The following MGAT4C variants were observed in gnomAD, a reference collection of about 807,000 sequenced individuals.
MGAT4C encodes the protein alpha-1,3-mannosyl-glycoprotein 4-beta-N-acetylglucosaminyltransferase C.
In MGAT4C, 19 loss-of-function variants were observed where a neutral mutation model predicts 40.1. That is an observed-to-expected ratio of 0.47 (90% confidence interval 0.33 to 0.70). The LOEUF (loss-of-function observed/expected upper bound fraction) is 0.70, where lower values mean the gene tolerates loss of function less well. Ranked by LOEUF, MGAT4C falls within the 30% of genes least tolerant of loss-of-function variation. The pLI, the probability that MGAT4C is intolerant of heterozygous loss-of-function variation, is 0.02. For missense variants in MGAT4C, 491 were observed against 563.2 expected (o/e 0.87, Z 1.30); for synonymous variants, 181 against 187.1 (o/e 0.97, Z 0.27).
rs1192847515 is a variant in MGAT4C, at chr12:85,979,286, T to C, written c.*3A>G. On this transcript the variant is annotated 3_prime_UTR_variant, in exon 5 of 5. Coordinates refer to ENST00000611864, the MANE Select transcript of MGAT4C (RefSeq NM_001351288.2). ...CAGAAACTGAACATACTGATTTAAT[T>C]GGCTAAGAAGTCCAAATGCTAATAC... 6.4e-7 allele frequency: 1 copy of C among 1,574,176 alleles called. No individual in the cohort carries two copies. The highest frequency in any genetic ancestry group is 8.6e-7 in the Non-Finnish European group (1 of 1,159,946).
chr12:86,492,491 G>A (rs11103971), intron 2 of MGAT4C, among the ~76,000 whole-genome samples: 12,793 of 152,006 alleles, frequency 0.084, 647 homozygotes, highest in Non-Finnish European at 0.11. Context: ...AAATAACACC[G>A]CGTATCTACA....
chr12:86,568,123 G>T (rs1436537038), intron 2 of MGAT4C, among the ~76,000 whole-genome samples: 2 of 152,084 alleles, frequency 1.3e-5, no homozygotes, highest in African/African-American at 4.8e-5. Flanking sequence ...ACAAAGCATT[G>T]TTCCTGGGTT....
chr12:86,736,368 T>C (rs1381359701), intron 1 of MGAT4C, among the ~76,000 whole-genome samples: 1 of 151,866 alleles, frequency 6.6e-6, no homozygotes, highest in African/African-American at 2.4e-5. Flanking sequence ...TTACCACTTT[T>C]CTTTATGTCT....
intron 1 of MGAT4C, among the ~76,000 whole-genome samples, chr12:86,061,229 C>A (rs909256881): frequency 2.0e-5 from 3 of 152,278 alleles, no homozygotes; most frequent in African/African-American, 7.2e-5. Flanking sequence ...CAGGGTGGGG[C>A]ATCCCCTCAA....
chr12:86,508,559 T>C (rs1264702419), intron 2 of MGAT4C, among the ~76,000 whole-genome samples: 1 of 152,120 alleles, frequency 6.6e-6, no homozygotes, highest in Non-Finnish European at 1.5e-5. Context: ...TTTATACTCC[T>C]TTGGGTATAT....
At chr12:86,503,962 T>C (rs1370261330) in intron 2 of MGAT4C, among the ~76,000 whole-genome samples, 1 of 150,306 alleles carries the variant, frequency 6.7e-6, no homozygotes. Flanking sequence ...TCCTACAAAA[T>C]AAGAAAAATA....
intron 2 of MGAT4C, among the ~76,000 whole-genome samples, chr12:86,483,814 T>A (rs1957973594): frequency 6.8e-6 from 1 of 146,464 alleles, no homozygotes; most frequent in African/African-American, 2.6e-5. Context: ...ATTAGAGTGA[T>A]CTTGATGTTA....
At chr12:86,082,936 A>G (rs1871112710) in intron 1 of MGAT4C, among the ~76,000 whole-genome samples, 1 of 152,098 alleles carries the variant, frequency 6.6e-6, no homozygotes, top group Non-Finnish European at 1.5e-5. Flanking sequence ...TTTTCAGAGT[A>G]TATCATATGT....
chr12:86,830,345 C>A (rs1190153221), intron 1 of MGAT4C, among the ~76,000 whole-genome samples: 1 of 151,640 alleles, frequency 6.6e-6, no homozygotes, highest in Non-Finnish European at 1.5e-5. Flanking sequence ...ATTCTGTCAC[C>A]ACATGTGTTT....
chr12:86,103,520 T>C (rs1400722655), intron 1 of MGAT4C, among the ~76,000 whole-genome samples: 1 of 152,212 alleles, frequency 6.6e-6, no homozygotes, highest in Non-Finnish European at 1.5e-5. Context: ...TCAGAGCCTC[T>C]GTAGGGAGTG....
chr12:86,681,396 A>T (rs1949978243), intron 2 of MGAT4C, among the ~76,000 whole-genome samples: 3 of 151,996 alleles, frequency 2.0e-5, no homozygotes, highest in African/African-American at 4.8e-5. Context: ...CCCTCTTCAT[A>T]GTATATTTGT....
chr12:86,426,815 C>T lies in MGAT4C; in HGVS notation c.-120+8342G>A, dbSNP rs182234668. Among the ~76,000 whole-genome samples the T allele has an allele frequency of 1.2e-4, 18 of 152,170 alleles. 1 individual carries two copies. The East Asian group carries it at 2.7e-3, about 23-fold the overall frequency. ...ACAAAAAATTAGCCAGGTGTGGTGG[C>T]GGGCGCCTGTAGTCCCAGCCACTCG... On this transcript the variant is annotated intron_variant, in intron 3 of 7. Transcript: ENST00000548651.
intron 3 of MGAT4C, among the ~76,000 whole-genome samples, chr12:86,408,799 TTC>T (rs1315125931): frequency 6.6e-6 from 1 of 151,986 alleles, no homozygotes; most frequent in Non-Finnish European, 1.5e-5. Flanking sequence ...GAGATAGAAC[TTC>T]TGTCTCCATT....
intron 4 of MGAT4C, among the ~76,000 whole-genome samples, chr12:86,279,299 T>C (rs1220810606): frequency 6.6e-6 from 1 of 152,196 alleles, no homozygotes; most frequent in Admixed American, 6.5e-5. Flanking sequence ...GCCTTTTCTT[T>C]GCTGGGAGAT....
intron 1 of MGAT4C, among the ~76,000 whole-genome samples, chr12:86,782,462 T>G (rs1389045429): frequency 1.3e-5 from 2 of 151,994 alleles, no homozygotes; most frequent in Non-Finnish European, 2.9e-5. Flanking sequence ...ATTACAGGAG[T>G]GAGCCACCGC....
chr12:86,225,815 T>G (rs982668665), intron 1 of MGAT4C, among the ~76,000 whole-genome samples: 1 of 152,054 alleles, frequency 6.6e-6, no homozygotes, highest in Admixed American at 6.6e-5. Flanking sequence ...AGGCCAAATA[T>G]GACACACCCA....
intron 2 of MGAT4C, among the ~76,000 whole-genome samples, chr12:86,025,688 T>C (rs935886470): frequency 3.3e-5 from 5 of 151,758 alleles, no homozygotes; most frequent in Admixed American, 6.6e-5. Flanking sequence ...TCTACATGCA[T>C]TATCTATTTT....
At chr12:86,302,977 C>T (rs891520054) in intron 4 of MGAT4C, among the ~76,000 whole-genome samples, 3 of 150,524 alleles carry the variant, frequency 2.0e-5, no homozygotes, top group Non-Finnish European at 4.4e-5. Context: ...TAACTCTTCC[C>T]GCACATTTTG....
At chr12:86,481,053 C>A (rs1476012625) in intron 2 of MGAT4C, among the ~76,000 whole-genome samples, 1 of 151,882 alleles carries the variant, frequency 6.6e-6, no homozygotes, top group Non-Finnish European at 1.5e-5. Flanking sequence ...TGCCTATAAT[C>A]CCAGCAGTGA....
Sources: gnomAD v4.1 joint callset for allele counts (sites outside exome capture counted in the v4.1 genomes callset) on GRCh38, gnomAD v4.1.1 for gene constraint, MANE v1.5 for transcripts, NCBI Gene and HGNC (gene_info 2026-07-23, HGNC 2026-07-21) for gene names.